REC114: variants seen among roughly 807,000 people sequenced by gnomAD.
REC114 encodes meiotic recombination protein REC114.
A neutral mutation model predicts 31.3 loss-of-function variants in REC114; 27 were observed. The observed-to-expected ratio is 0.86, with a 90% CI of 0.64 to 1.19. REC114 has a LOEUF of 1.19. Ranked by LOEUF, REC114 falls within the 50% of genes most tolerant of loss-of-function variation. REC114 has a pLI of 0.00. For synonymous variants in REC114, 134 were observed against 127.7 expected (o/e 1.05, Z -0.33); for missense variants, 344 against 326.9 (o/e 1.05, Z -0.40).
chr15:73,525,363 C>T (rs1893991930), intron 2 of REC114, among the ~76,000 whole-genome samples: 1 of 151,584 alleles, frequency 6.6e-6, no homozygotes, highest in Non-Finnish European at 1.5e-5. Flanking sequence ...TTTCATTTAC[C>T]TAAGCTCTAT....
At chr15:73,538,460 T>C (rs1894191007) in intron 2 of REC114, among the ~76,000 whole-genome samples, 1 of 148,878 alleles carries the variant, frequency 6.7e-6, no homozygotes, top group South Asian at 2.2e-4. Flanking sequence ...TATTTCTTTT[T>C]TTTTTTTTTT....
At chr15:73,515,296 T>TG (rs1261829978) in intron 2 of REC114, among the ~76,000 whole-genome samples, 2 of 152,234 alleles carry the variant, frequency 1.3e-5, no homozygotes, top group African/African-American at 2.4e-5. Context: ...TTTTATCTTT[T>TG]GGTAGGAGTC....
chr15:73,455,266 G>A (rs1328757156), intron 1 of REC114, among the ~76,000 whole-genome samples: 1 of 152,090 alleles, frequency 6.6e-6, no homozygotes, highest in Non-Finnish European at 1.5e-5. Flanking sequence ...AAAATATGTG[G>A]TACCTGCAGT....
chr15:73,552,756 A>G (rs774899097), intron 4 of REC114, among the ~76,000 whole-genome samples: 13 of 152,152 alleles, frequency 8.5e-5, no homozygotes, highest in Non-Finnish European at 1.6e-4. Flanking sequence ...CTGGTTTTCC[A>G]TTACTTCATC....
intron 2 of REC114, among the ~76,000 whole-genome samples, chr15:73,506,856 CAAAGA>C (rs1321190140): frequency 4.6e-5 from 7 of 151,962 alleles, no homozygotes; most frequent in African/African-American, 1.7e-4. Flanking sequence ...TTTAAATCAC[CAAAGA>C]AAAGATCAAC....
At chr15:73,479,867 C>T (rs934760190) in intron 2 of REC114, among the ~76,000 whole-genome samples, 2 of 152,026 alleles carry the variant, frequency 1.3e-5, no homozygotes, top group Non-Finnish European at 2.9e-5. Flanking sequence ...TTCTGTATCT[C>T]GACTATTGTT....
chr15:73,535,199 G>A (rs1408648006), intron 2 of REC114, among the ~76,000 whole-genome samples: 1 of 148,766 alleles, frequency 6.7e-6, no homozygotes, highest in Non-Finnish European at 1.5e-5. Context: ...TCAGGAGAAG[G>A]AAATAAAGGG....
rs34215297 is a variant in REC114 at position 73,543,942 on chromosome 15, C to CTTTT, written c.333+3395_333+3398dup. ...AACTCCATCTCTGTCTGTTAACTGGCTTTTTTTTTTTTTTTTTTTTTTTTG... is the reference window on the plus strand; with the variant it reads ...AACTCCATCTCTGTCTGTTAACTGGCTTTTTTTTTTTTTTTTTTTTTTTTTTTTG... On this transcript the variant is annotated intron_variant, in intron 3 of 5. Coordinates refer to ENST00000331090, the MANE Select transcript of REC114 (RefSeq NM_001042367.2). 1.7e-3 allele frequency among the ~76,000 whole-genome samples: 123 copies of CTTTT among 74,122 alleles called. 2 individuals are homozygous for CTTTT. The highest frequency in any genetic ancestry group is 2.1e-3 in the Non-Finnish European group (84 of 40,596). The allele number at this position is 74,122 out of a possible 152,430, so 48.6% of individuals were successfully genotyped here. A position where few individuals can be genotyped will look rare whatever the true frequency, so the allele number is the denominator to read the frequency against.
intron 2 of REC114, among the ~76,000 whole-genome samples, chr15:73,474,436 T>C (rs1023602871): frequency 6.6e-6 from 1 of 152,156 alleles, no homozygotes; most frequent in Admixed American, 6.5e-5. Context: ...ATCAACTTGG[T>C]TGAAAGTTTA....
At chr15:73,538,538 G>A (rs1182309154) in intron 2 of REC114, among the ~76,000 whole-genome samples, 1 of 144,760 alleles carries the variant, frequency 6.9e-6, no homozygotes, top group Admixed American at 7.4e-5. Flanking sequence ...CTCACTGCAA[G>A]CTTTGCCTCC....
chr15:73,547,864 A>G (rs1894331487), intron 3 of REC114, among the ~76,000 whole-genome samples: 1 of 152,248 alleles, frequency 6.6e-6, no homozygotes, highest in African/African-American at 2.4e-5. Context: ...ACACAGGCAC[A>G]GGCAAAGATT....
chr15:73,461,429 A>G (rs1007175659), intron 1 of REC114, among the ~76,000 whole-genome samples: 5 of 152,194 alleles, frequency 3.3e-5, no homozygotes, highest in African/African-American at 7.2e-5. Flanking sequence ...TCTTAAAAGC[A>G]GAAAACAAAA....
chr15:73,474,778 A>C (rs993838023), intron 2 of REC114, among the ~76,000 whole-genome samples: 1 of 152,232 alleles, frequency 6.6e-6, no homozygotes, highest in African/African-American at 2.4e-5. Flanking sequence ...GGTCAAGTAC[A>C]TTTAAAAGAC....
At chr15:73,446,667 T>C (rs1892768888) in intron 1 of REC114, among the ~76,000 whole-genome samples, 1 of 151,516 alleles carries the variant, frequency 6.6e-6, no homozygotes, top group Admixed American at 6.6e-5. Context: ...CCACAACATG[T>C]ACAGAGGCCA....
chr15:73,459,375 G>A (rs886248273), intron 1 of REC114, among the ~76,000 whole-genome samples: 3 of 151,662 alleles, frequency 2.0e-5, no homozygotes, highest in Non-Finnish European at 4.4e-5. Context: ...GATTACAGTT[G>A]CCTGCCACTA....
chr15:73,457,065 CTTTT>C (rs934090597), intron 1 of REC114, among the ~76,000 whole-genome samples: 1 of 68,010 alleles, frequency 1.5e-5, no homozygotes, highest in Admixed American at 1.5e-4. Context: ...TATTTCTGAG[CTTTT>C]TTTTTTTTTT....
intron 2 of REC114, among the ~76,000 whole-genome samples, chr15:73,520,925 GAGATAC>G (rs150676300): frequency 0.013 from 2,004 of 152,146 alleles, 49 homozygotes; most frequent in African/African-American, 0.045. Flanking sequence ...TGTCATTCTT[GAGATAC>G]AGAGGTTTGT....
chr15:73,515,787 C>T (rs146823865), intron 2 of REC114, among the ~76,000 whole-genome samples: 9 of 152,246 alleles, frequency 5.9e-5, no homozygotes, highest in Non-Finnish European at 1.2e-4. Flanking sequence ...TCCCAGCTTC[C>T]AGAAATGTGA....
chr15:73,477,198 T>C (rs76004432), intron 2 of REC114, among the ~76,000 whole-genome samples: 3,660 of 152,324 alleles, frequency 0.024, 167 homozygotes, highest in African/African-American at 0.083. Flanking sequence ...CATTGAGTTG[T>C]TTGCCTTCTT....
Sources: gnomAD v4.1 joint callset for allele counts (sites outside exome capture counted in the v4.1 genomes callset) on GRCh38, gnomAD v4.1.1 for gene constraint, MANE v1.5 for transcripts, NCBI Gene and HGNC (gene_info 2026-07-23, HGNC 2026-07-21) for gene names.